KANSL1: variants seen among roughly 807,000 people sequenced by gnomAD.
KANSL1 encodes MLL1/MLL complex subunit KANSL1.
KANSL1 carries 22 observed loss-of-function variants against 103.6 expected under a neutral mutation model. The observed-to-expected ratio is 0.21, with a 90% CI of 0.15 to 0.30. KANSL1 has a LOEUF of 0.30. Ranked by LOEUF, KANSL1 falls within the 10% of genes least tolerant of loss-of-function variation. The pLI, the probability that KANSL1 is intolerant of heterozygous loss-of-function variation, is 1.00. For synonymous variants in KANSL1, 600 were observed against 527.6 expected (o/e 1.14, Z -1.88); for missense variants, 1,337 against 1,399.8 (o/e 0.96, Z 0.72).
intron 7 of KANSL1, among the ~76,000 whole-genome samples, chr17:46,047,660 A>G (rs553818869): frequency 2.6e-5 from 4 of 152,046 alleles, no homozygotes; most frequent in South Asian, 2.1e-4. Context: ...GGTGGTGCAC[A>G]CTTGTAGTCC....
upstream of KANSL1, chr17:46,196,072 T>C (rs2047597389): frequency 3.3e-6 from 1 of 307,348 alleles, no homozygotes; most frequent in African/African-American, 2.3e-5. Context: ...TGAGACCCTA[T>C]CTCTACAAAC....
chr17:46,180,166 A>T (rs942582551), intron 1 of KANSL1, among the ~76,000 whole-genome samples: 2 of 152,174 alleles, frequency 1.3e-5, no homozygotes, highest in Non-Finnish European at 2.9e-5. Context: ...CCAGATCCTT[A>T]ACGGACAGCC....
chr17:46,074,810 T>A (rs1032694357), intron 4 of KANSL1, among the ~76,000 whole-genome samples: 24 of 146,734 alleles, frequency 1.6e-4, no homozygotes, highest in East Asian at 4.1e-4. Context: ...TAAATAAATA[T>A]TGTCAGTTAT....
intron 4 of KANSL1, among the ~76,000 whole-genome samples, chr17:46,075,080 TG>T (rs2078711275): frequency 6.6e-6 from 1 of 152,258 alleles, no homozygotes; most frequent in South Asian, 2.1e-4. Context: ...ATACAAAAAC[TG>T]AGAACTCTCA....
chr17:46,126,447 A>C (rs1297400719), intron 2 of KANSL1, among the ~76,000 whole-genome samples: 1 of 152,064 alleles, frequency 6.6e-6, no homozygotes, highest in African/African-American at 2.4e-5. Flanking sequence ...TCTCAAAAAA[A>C]AAGTAAAAGT....
chr17:46,189,681 C>T (rs2047213454), intron 1 of KANSL1, among the ~76,000 whole-genome samples: 1 of 152,028 alleles, frequency 6.6e-6, no homozygotes, highest in Non-Finnish European at 1.5e-5. Context: ...GTCAGGAGTT[C>T]GAGACCAGCC....
At chr17:46,118,654 CT>C (rs1420436029) in intron 2 of KANSL1, among the ~76,000 whole-genome samples, 1 of 152,188 alleles carries the variant, frequency 6.6e-6, no homozygotes, top group East Asian at 1.9e-4. Context: ...ATGAACTTTC[CT>C]TGCTGAAGCC....
chr17:46,117,587 G>A (rs932765188), intron 2 of KANSL1, among the ~76,000 whole-genome samples: 2 of 151,426 alleles, frequency 1.3e-5, no homozygotes, highest in African/African-American at 4.9e-5. Flanking sequence ...TGCATGCCTC[G>A]CAAAGCAGCC....
chr17:46,095,110 CTAAT>C (rs1049561052), intron 2 of KANSL1, among the ~76,000 whole-genome samples: 1 of 149,558 alleles, frequency 6.7e-6, no homozygotes. Flanking sequence ...TATTTAAAAA[CTAAT>C]AAAGTAGAAA....
chr17:46,078,208 G>A (rs1044881448), intron 4 of KANSL1, among the ~76,000 whole-genome samples: 7 of 152,110 alleles, frequency 4.6e-5, no homozygotes, highest in Non-Finnish European at 8.8e-5. Flanking sequence ...TTCGTCCTGG[G>A]AAACATTCTT....
At chr17:46,212,826 T>C (rs1213592917) in intron 1 of KANSL1, among the ~76,000 whole-genome samples, 1 of 152,224 alleles carries the variant, frequency 6.6e-6, no homozygotes, top group Non-Finnish European at 1.5e-5. Flanking sequence ...GTTTCAGAGA[T>C]TGTCCCCTCA....
chr17:46,168,245 A>G (rs978067246), intron 2 of KANSL1, among the ~76,000 whole-genome samples: 6 of 152,250 alleles, frequency 3.9e-5, no homozygotes, highest in Non-Finnish European at 7.3e-5. Context: ...GAAGATCAAC[A>G]AACACTTGGC....
At chr17:46,128,656 G>T (rs960675324) in intron 2 of KANSL1, among the ~76,000 whole-genome samples, 3 of 152,200 alleles carry the variant, frequency 2.0e-5, no homozygotes, top group African/African-American at 7.2e-5. Flanking sequence ...AGCTTTCCAG[G>T]CAGAAGGAAT....
chr17:46,050,758 T>C (rs2077684531), intron 6 of KANSL1, 54 bp from the exon 7 acceptor site: 1 of 1,538,372 alleles, frequency 6.5e-7, no homozygotes, highest in East Asian at 2.3e-5. Context: ...AAAAGCCAGC[T>C]ACCCATTTGT....
At chr17:46,201,596 T>C (rs927213885) in intron 1 of KANSL1, among the ~76,000 whole-genome samples, 1 of 152,090 alleles carries the variant, frequency 6.6e-6, no homozygotes, top group African/African-American at 2.4e-5. Context: ...AACTGGTCGG[T>C]TGTGGTAGCT....
intron 1 of KANSL1, among the ~76,000 whole-genome samples, chr17:46,186,791 C>T (rs1163096583): frequency 6.6e-6 from 1 of 152,086 alleles, no homozygotes; most frequent in South Asian, 2.1e-4. Context: ...TGCAGTGGTG[C>T]GATCTCGGCT....
chr17:46,175,310 C>CTG (rs71138529), intron 1 of KANSL1, among the ~76,000 whole-genome samples: 6,999 of 137,234 alleles, frequency 0.051, 62 homozygotes, highest in Middle Eastern at 0.056. Context: ...TGTCTTATTG[C>CTG]TGTGTGTGTG....
chr17:46,149,798 G>A (rs1402044159), intron 2 of KANSL1, among the ~76,000 whole-genome samples: 2 of 151,772 alleles, frequency 1.3e-5, no homozygotes, highest in Non-Finnish European at 2.9e-5. Context: ...ACGAGGTCAG[G>A]AGATCGAGAC....
intron 2 of KANSL1, among the ~76,000 whole-genome samples, chr17:46,103,472 A>G (rs1177285140): frequency 1.3e-5 from 2 of 152,218 alleles, no homozygotes; most frequent in Non-Finnish European, 2.9e-5. Flanking sequence ...ATAATCTAAA[A>G]AACAATAATT....
Sources: allele counts gnomAD v4.1 joint callset (sites outside exome capture counted in the v4.1 genomes callset), GRCh38; gene constraint gnomAD v4.1.1; transcripts MANE v1.5; gene names NCBI Gene and HGNC (gene_info 2026-07-23, HGNC 2026-07-21).